Variants in LOC128125822 observed in about 807,000 individuals in gnomAD.
chr6:63,573,365 C>A, the LOC128125822 span: 1 of 152,354 alleles, frequency 6.6e-6, no homozygotes, highest in South Asian at 2.1e-4. Context: ...CTCGGAGCTC[C>A]GGGGTGGGCG....
the LOC128125822 span, among the ~76,000 whole-genome samples, chr6:63,576,185 GT>G: frequency 4.7e-5 from 7 of 149,248 alleles, 1 homozygote; most frequent in South Asian, 1.1e-3. Flanking sequence ...AATGGGTTTG[GT>G]TTTTTTTTCT....
the LOC128125822 span, chr6:63,579,370 A>G: frequency 6.7e-7 from 1 of 1,485,620 alleles, no homozygotes; most frequent in South Asian, 1.2e-5. Flanking sequence ...ACTCTCTTTC[A>G]TTTCCTTGTT....
the LOC128125822 span, chr6:63,579,076 GA>G: frequency 1.3e-6 from 2 of 1,503,966 alleles, no homozygotes; most frequent in Admixed American, 4.8e-5. Context: ...TATTGATAAT[GA>G]AAATACAGAA....
the LOC128125822 span, chr6:63,578,566 G>C: frequency 6.3e-7 from 1 of 1,583,018 alleles, no homozygotes; most frequent in Non-Finnish European, 8.5e-7. Context: ...TTATGGTGCT[G>C]TGCTACAAAA....
chr6:63,578,358 G>A, the LOC128125822 span: 1 of 1,441,382 alleles, frequency 6.9e-7, no homozygotes, highest in Non-Finnish European at 9.3e-7. Flanking sequence ...TTACTGATCA[G>A]AGATGATCAG....
At chr6:63,580,940 A>AG in the LOC128125822 span, 1 of 152,482 alleles carries the variant, frequency 6.6e-6, no homozygotes, top group East Asian at 1.9e-4. Flanking sequence ...AAAGAATGGG[A>AG]GGGGGCTATT....
chr6:63,579,056 G>C, the LOC128125822 span: 1 of 1,542,328 alleles, frequency 6.5e-7, no homozygotes, highest in East Asian at 2.3e-5. Context: ...TTTGATTCTA[G>C]GTAAAAATCT....
At chr6:63,579,104 T>A in the LOC128125822 span, 7 of 1,406,236 alleles carry the variant, frequency 5.0e-6, no homozygotes, top group African/African-American at 7.4e-5. Context: ...AAAATTCTTA[T>A]AATTTTTTAA....
chr6:63,581,274 T>G, the LOC128125822 span: 1 of 152,624 alleles, frequency 6.6e-6, no homozygotes, highest in African/African-American at 2.4e-5. Flanking sequence ...ACAATTTGTT[T>G]TATTATGTAA....
At chr6:63,577,033 G>T in the LOC128125822 span, 7 of 1,438,346 alleles carry the variant, frequency 4.9e-6, no homozygotes, top group Non-Finnish European at 6.8e-6. Context: ...CAATATAATA[G>T]TGGGACTTAT....
the LOC128125822 span, among the ~76,000 whole-genome samples, chr6:63,574,309 C>T: frequency 2.0e-5 from 3 of 152,176 alleles, no homozygotes; most frequent in Non-Finnish European, 4.4e-5. Flanking sequence ...AGAGATTACT[C>T]TTTCCTCCTC....
At chr6:63,580,260 A>G in the LOC128125822 span, 1 of 1,094,820 alleles carries the variant, frequency 9.1e-7, no homozygotes, top group Non-Finnish European at 1.4e-6. Flanking sequence ...TGGCTTAGTA[A>G]GTCTAATGAA....
the LOC128125822 span, among the ~76,000 whole-genome samples, chr6:63,577,785 C>T: frequency 6.6e-6 from 1 of 151,758 alleles, no homozygotes; most frequent in Admixed American, 6.6e-5. Context: ...CTCCTGACCT[C>T]AGGTGAGCCA....
the LOC128125822 span, chr6:63,580,184 G>A: frequency 6.3e-7 from 1 of 1,580,006 alleles, no homozygotes; most frequent in South Asian, 1.1e-5. Flanking sequence ...AAATTGGGGT[G>A]CCTAATGCTA....
At chr6:63,580,207 C>T in the LOC128125822 span, 3 of 1,493,898 alleles carry the variant, frequency 2.0e-6, no homozygotes, top group Non-Finnish European at 2.8e-6. Context: ...GGAAGTGGAA[C>T]TTGAGATAGG....
At chr6:63,578,629 C>T in the LOC128125822 span, 1 of 1,413,234 alleles carries the variant, frequency 7.1e-7, no homozygotes, top group Non-Finnish European at 9.4e-7. Context: ...ATAAATAGAC[C>T]TCAAAAAGCT....
At chr6:63,576,185 G>GT in the LOC128125822 span, among the ~76,000 whole-genome samples, 47 of 149,332 alleles carry the variant, frequency 3.1e-4, no homozygotes, top group African/African-American at 1.0e-3. Flanking sequence ...AATGGGTTTG[G>GT]TTTTTTTTTC....
chr6:63,578,460 C>A, the LOC128125822 span: 6 of 1,608,160 alleles, frequency 3.7e-6, no homozygotes, highest in African/African-American at 8.1e-5. Flanking sequence ...ATGGAGTTAC[C>A]ACAATAGTAA....
the LOC128125822 span, among the ~76,000 whole-genome samples, chr6:63,579,511 G>T: frequency 1.3e-5 from 2 of 152,156 alleles, no homozygotes; most frequent in Non-Finnish European, 2.9e-5. Context: ...ATATTACTAA[G>T]ATTCTAATCC....
Sources: gnomAD v4.1 joint callset for allele counts (sites outside exome capture counted in the v4.1 genomes callset) on GRCh38, gnomAD v4.1.1 for gene constraint, MANE v1.5 for transcripts.